ARID1B: variants seen among roughly 807,000 people sequenced by gnomAD.
ARID1B encodes AT-rich interactive domain-containing protein 1B.
In ARID1B, 30 loss-of-function variants were observed where a neutral mutation model predicts 212.3. That is an observed-to-expected ratio of 0.14 (90% CI 0.11 to 0.19). ARID1B has a LOEUF of 0.19. ARID1B is among the 10% of genes least tolerant of loss of function. The probability of loss-of-function intolerance (pLI) is 1.00; values close to 1 mark genes in which losing one functional copy is unlikely to be tolerated. For missense variants in ARID1B, 2,891 were observed against 3,204.0 expected, an observed-to-expected ratio of 0.90 and a Z score of 2.36; for synonymous variants, 1,402 against 1,301.7, an observed-to-expected ratio of 1.08 and a Z score of -1.66.
At chr6:157,091,634 C>G (rs1181167520) in intron 5 of ARID1B, among the ~76,000 whole-genome samples, 1 of 152,146 alleles carries the variant, frequency 6.6e-6, no homozygotes, top group Non-Finnish European at 1.5e-5. Flanking sequence ...AGATTAGTAC[C>G]TATCAGATGA....
Position 157,148,162 on chromosome 6 carries a change from T to A in ARID1B, c.2762-462T>A, listed in dbSNP as rs1465112567. ...TTTAAAGGATGATTTTGACCATATG[T>A]GCATGTCGTCTTACACGTTGTCTTT... On this transcript the variant is annotated intron_variant, in intron 7 of 19. Transcript: ENST00000636930. The surrounding 1 kb of genome is among the most constrained non-coding windows in gnomAD (Gnocchi z 5.6). 6.6e-6 allele frequency among the ~76,000 whole-genome samples: 1 copy of A among 152,122 alleles called. No homozygotes were observed. The highest frequency in any genetic ancestry group is 1.5e-5 in the Non-Finnish European group (1 of 68,020).
At chr6:157,079,644 A>G (rs777763239) in intron 4 of ARID1B, among the ~76,000 whole-genome samples, 4 of 152,218 alleles carry the variant, frequency 2.6e-5, no homozygotes, top group African/African-American at 9.6e-5. Context: ...AGCTAAGTCA[A>G]TAGTTTTCAG....
rs771204934 is a variant in ARID1B at position 156,779,368 on chromosome 6, G to C, written c.1688G>C (p.Gly563Ala). Residue 563 changes from glycine (G) to alanine (A), a missense_variant, in exon 1 of 20, where the codon GGC (glycine) becomes GCC (alanine). By Grantham distance (60) the Gly-to-Ala change is moderately conservative (BLOSUM62 0). Coordinates refer to ENST00000636930, the MANE Select transcript of ARID1B (RefSeq NM_001374828.1). ...AAGMGLGKDMGAQYAAASPAW... is the reference protein window; with the variant it reads ...AAGMGLGKDMAAQYAAASPAW... ...GGCATGGGCTTGGGCAAGGACATGG[G>C]CGCCCAGTACGCCGCTGCCAGCCCG... 7.4e-7 allele frequency: 1 copy of C among 1,344,862 alleles called. No individual in the cohort carries two copies. Among genetic ancestry groups the C allele is most frequent in the Admixed American group, 3.0e-5 (1 of 33,476 alleles). 83.3% of individuals were successfully genotyped at this position (1,344,862 alleles called of 1,614,324 possible).
intron 10 of ARID1B, 128 bp from the exon 11 acceptor site, chr6:157,174,719 T>C (rs1791975592): frequency 1.2e-5 from 2 of 167,598 alleles, no homozygotes; most frequent in Admixed American, 1.4e-4. Context: ...TACATGTCTT[T>C]ATATATATAT....
intron 4 of ARID1B, among the ~76,000 whole-genome samples, chr6:157,020,810 CG>C (rs1250642672): frequency 2.0e-5 from 3 of 152,136 alleles, no homozygotes; most frequent in Non-Finnish European, 4.4e-5. Context: ...AGGAGTGGTA[CG>C]TGAGTTTATG....
intron 6 of ARID1B, among the ~76,000 whole-genome samples, chr6:157,117,042 T>G (rs2128537851): frequency 6.6e-6 from 1 of 152,290 alleles, no homozygotes; most frequent in East Asian, 1.9e-4. Context: ...GTCAGCAGAA[T>G]CACAAAAATC....
At chr6:157,119,600 G>A (rs532850175) in intron 6 of ARID1B, 7 of 152,664 alleles carry the variant, frequency 4.6e-5, no homozygotes, top group African/African-American at 1.4e-4. Context: ...GATTCTTAAG[G>A]TCCTCAGCCT....
rs77664475 is a variant in ARID1B, at chr6:156,948,132, T to C, written c.2247+12556T>C. Among the ~76,000 whole-genome samples the C allele has an allele frequency of 6.2e-3, 944 of 152,362 alleles. 14 individuals are homozygous for C. The highest frequency in any genetic ancestry group is 0.021 in the African/African-American group (855 of 41,580). ...AATAAAAAAACTATTTTGCTAATTTTGATTAAAGTTAGGGGTATTCTTGAA... is the reference window on the plus strand; with the variant it reads ...AATAAAAAAACTATTTTGCTAATTTCGATTAAAGTTAGGGGTATTCTTGAA... On this transcript the variant is annotated intron_variant, in intron 4 of 19. Transcript: ENST00000636930.
In ARID1B at chr6:156,857,138, ATAGT is replaced by A. The variant is rs1785007573; in HGVS notation, c.1986+27719_1986+27722del. On this transcript the variant is annotated intron_variant, in intron 2 of 19. Coordinates refer to ENST00000636930, the MANE Select transcript of ARID1B (RefSeq NM_001374828.1). Reference sequence around the variant, plus strand: ...TCAGTAATCTCCTTTGAACCTCATAATAGTTCTCTTAAATGACACCAAAAGTATT... The same window carrying A: ...TCAGTAATCTCCTTTGAACCTCATAATCTCTTAAATGACACCAAAAGTATT... Among the ~76,000 whole-genome samples the A allele has an allele frequency of 2.6e-5, 4 of 152,320 alleles. No homozygotes were observed. In the South Asian group the frequency reaches 8.3e-4, roughly 32 times the overall value.
chr6:156,869,187 T>A (rs985640810), intron 2 of ARID1B, among the ~76,000 whole-genome samples: 3 of 152,256 alleles, frequency 2.0e-5, no homozygotes, highest in African/African-American at 7.2e-5. Flanking sequence ...TTACCAAGTG[T>A]GTGTCAGAAG....
At chr6:157,120,869 A>G (rs1270552901) in intron 6 of ARID1B, among the ~76,000 whole-genome samples, 1 of 152,164 alleles carries the variant, frequency 6.6e-6, no homozygotes, top group Non-Finnish European at 1.5e-5. Context: ...CTGACGAGGC[A>G]CCTTTGATGA....
rs1174370469 is a variant in ARID1B, at chr6:156,805,825, A to G, written c.1792-23402A>G. Among the ~76,000 whole-genome samples, 6 of 152,044 alleles carry G rather than the reference A, an allele frequency of 3.9e-5. No homozygotes were observed. In the South Asian group the frequency reaches 1.2e-3, roughly 32 times the overall value. On this transcript the variant is annotated intron_variant, in intron 1 of 19. Transcript: ENST00000636930. Reference sequence around the variant, plus strand: ...TAAGTAGCTGGAATCACAGATGCGCACTGCCACAACCAGCTAATTTTTAAA... The same window carrying G: ...TAAGTAGCTGGAATCACAGATGCGCGCTGCCACAACCAGCTAATTTTTAAA...
chr6:157,052,357 G>A (rs913870525), intron 4 of ARID1B, among the ~76,000 whole-genome samples: 2 of 152,132 alleles, frequency 1.3e-5, no homozygotes, highest in Non-Finnish European at 2.9e-5. Flanking sequence ...GAACCAAGTC[G>A]GCCTGTTGGA....
At chr6:157,127,783 CAAAAA>C (rs61172896) in intron 6 of ARID1B, among the ~76,000 whole-genome samples, 1 of 56,794 alleles carries the variant, frequency 1.8e-5, no homozygotes, top group African/African-American at 6.4e-5. Context: ...GACTCTGTCT[CAAAAA>C]AAAAAAAAAA....
At chr6:157,194,310 T>G (rs1793575507) in intron 15 of ARID1B, 1 of 152,216 alleles carries the variant, frequency 6.6e-6, no homozygotes, top group Non-Finnish European at 1.5e-5. Flanking sequence ...CTACCACAGG[T>G]TGATGTGAGA....
intron 1 of ARID1B, among the ~76,000 whole-genome samples, chr6:156,805,667 C>A (rs1470971955): frequency 6.6e-6 from 1 of 152,080 alleles, no homozygotes; most frequent in Non-Finnish European, 1.5e-5. Flanking sequence ...AAAAGAATTA[C>A]ATATACTTTG....
intron 4 of ARID1B, among the ~76,000 whole-genome samples, chr6:156,969,088 C>T (rs1562518426): frequency 6.6e-6 from 1 of 152,210 alleles, no homozygotes; most frequent in Non-Finnish European, 1.5e-5. Context: ...GATTTAACTT[C>T]AATTTACTAT....
chr6:156,844,557 A>G (rs911102791), intron 2 of ARID1B, among the ~76,000 whole-genome samples: 50 of 152,162 alleles, frequency 3.3e-4, no homozygotes, highest in Non-Finnish European at 1.8e-4. Flanking sequence ...TTGCCTTTGG[A>G]AATAGGAACT....
chr6:156,895,795 T>G (rs908666684), intron 2 of ARID1B, among the ~76,000 whole-genome samples: 4 of 152,120 alleles, frequency 2.6e-5, no homozygotes, highest in African/African-American at 9.7e-5. Context: ...AAATAACATG[T>G]TACCCTATTT....
Sources: gnomAD v4.1 joint callset for allele counts (sites outside exome capture counted in the v4.1 genomes callset) on GRCh38, gnomAD v4.1.1 for gene constraint, Gnocchi (gnomAD v3.1) non-coding constraint, MANE v1.5 for transcripts, NCBI Gene and HGNC (gene_info 2026-07-23, HGNC 2026-07-21) for gene names.